The following SLC44A3 variants were observed in gnomAD, a reference collection of about 807,000 sequenced individuals.
The protein encoded by SLC44A3 is choline transporter-like protein 3.
In SLC44A3, 74 loss-of-function variants were observed where a neutral mutation model predicts 75.4. That is an observed-to-expected ratio of 0.98 (90% CI 0.81 to 1.19). The LOEUF (loss-of-function observed/expected upper bound fraction) is 1.19. Ranked by LOEUF, SLC44A3 falls within the 50% of genes most tolerant of loss-of-function variation. The probability of loss-of-function intolerance (pLI) is 0.00; values close to 1 mark genes in which losing one functional copy is unlikely to be tolerated. For synonymous variants in SLC44A3, 310 were observed against 296.9 expected (o/e 1.04, Z -0.45); for missense variants, 700 against 778.6 (o/e 0.90, Z 1.20).
chr1:94,845,307 C>A lies in SLC44A3; in HGVS notation c.915C>A (p.Leu305=). Residue 305 remains leucine, a synonymous_variant, in exon 9 of 15, where the codon CTC becomes CTA. Transcript: ENST00000271227. ...TGCTGCTCGTCTTGATTTTTGTTCT[C>A]AGAAAGAGAATAAAATTGACAGTTG... is the stretch of plus-strand genomic sequence containing the variant. ...TAVLLVLIFV[L]RKRIKLTVEL... The A allele has an allele frequency of 6.2e-7, 1 of 1,612,030 alleles. No homozygotes were observed. Among genetic ancestry groups the A allele is most frequent in the Non-Finnish European group, 8.5e-7 (1 of 1,179,310 alleles).
At chr1:94,846,740 C>G (rs923941005) in intron 9 of SLC44A3, among the ~76,000 whole-genome samples, 1 of 152,258 alleles carries the variant, frequency 6.6e-6, no homozygotes, top group East Asian at 1.9e-4. Flanking sequence ...GAGTAAGTGG[C>G]TTCCTGATAC....
At chr1:94,823,937 C>A (rs1315488374) in intron 2 of SLC44A3, among the ~76,000 whole-genome samples, 1 of 152,166 alleles carries the variant, frequency 6.6e-6, no homozygotes, top group Non-Finnish European at 1.5e-5. Flanking sequence ...ATGTTCTTGT[C>A]CAACAGAATT....
At chr1:94,876,168 G>T (rs563916149) in intron 12 of SLC44A3, among the ~76,000 whole-genome samples, 2 of 152,334 alleles carry the variant, frequency 1.3e-5, no homozygotes, top group African/African-American at 4.8e-5. Flanking sequence ...GAGTGGGGAG[G>T]TGCCTCAGAG....
rs1289818389 is a variant in SLC44A3 at position 94,824,493 on chromosome 1, G to A, written c.136G>A (p.Val46Met). The change falls in exon 3 of 15, where the codon GTG becomes ATG. Residue 46 changes from valine (V) to methionine (M), a missense_variant and splice_region_variant. Coordinates refer to ENST00000271227, the MANE Select transcript of SLC44A3 (RefSeq NM_001114106.3). ...TCTCATATGCCCCCGTTTTTGCCAG[G>A]TGTTTATCATGGGCTACTCGGTGGT... ...FLFFLFWTGL[V>M]FIMGYSVVAG... The A allele has an allele frequency of 1.3e-6, 2 of 1,594,422 alleles. No individual in the cohort carries two copies. The highest frequency in any genetic ancestry group is 1.7e-6 in the Non-Finnish European group (2 of 1,173,492).
chr1:94,821,270 A>T (rs1660544410), intron 2 of SLC44A3, among the ~76,000 whole-genome samples: 1 of 152,192 alleles, frequency 6.6e-6, no homozygotes, highest in South Asian at 2.1e-4. Flanking sequence ...GGGTGACTCC[A>T]TTAGGAAATG....
intron 9 of SLC44A3, among the ~76,000 whole-genome samples, chr1:94,852,826 G>T (rs928499884): frequency 6.6e-6 from 1 of 152,346 alleles, no homozygotes. Context: ...TGAGCAACTG[G>T]AAGATAACTT....
intron 5 of SLC44A3, among the ~76,000 whole-genome samples, chr1:94,835,459 G>A (rs1428685457): frequency 2.6e-5 from 4 of 152,236 alleles, no homozygotes; most frequent in Non-Finnish European, 5.9e-5. Flanking sequence ...CAAATATACT[G>A]TGGTTATGTA....
chr1:94,827,368 C>T (rs1661510349), intron 3 of SLC44A3, 139 bp from the exon 4 acceptor site: 2 of 1,097,458 alleles, frequency 1.8e-6, no homozygotes. Flanking sequence ...CATAAATGTT[C>T]AATTATGCTG....
At chr1:94,866,524 A>ACAGCC (rs1293107085) in intron 11 of SLC44A3, among the ~76,000 whole-genome samples, 1 of 152,228 alleles carries the variant, frequency 6.6e-6, no homozygotes, top group African/African-American at 2.4e-5. Flanking sequence ...AATGTCTCAC[A>ACAGCC]CAGCCACTGT....
intron 4 of SLC44A3, among the ~76,000 whole-genome samples, chr1:94,827,971 T>C (rs567640342): frequency 6.6e-6 from 1 of 152,142 alleles, no homozygotes; most frequent in South Asian, 2.1e-4. Flanking sequence ...GAGAGCTCCA[T>C]GCACGTGGGC....
intron 10 of SLC44A3, among the ~76,000 whole-genome samples, chr1:94,860,135 C>T (rs945815132): frequency 6.6e-6 from 1 of 152,114 alleles, no homozygotes; most frequent in Non-Finnish European, 1.5e-5. Flanking sequence ...AAAACGGAGA[C>T]AATGCAGGCT....
chr1:94,872,499 G>C (rs368912005), intron 12 of SLC44A3, among the ~76,000 whole-genome samples: 5 of 152,138 alleles, frequency 3.3e-5, no homozygotes, highest in African/African-American at 1.2e-4. Flanking sequence ...TATAGGCAAT[G>C]AGCTGTGGGC....
At chr1:94,881,393 A>AT (rs1668953330) in intron 12 of SLC44A3, among the ~76,000 whole-genome samples, 1 of 152,222 alleles carries the variant, frequency 6.6e-6, no homozygotes, top group Non-Finnish European at 1.5e-5. Flanking sequence ...TTCAAATCAG[A>AT]GAAGGTTGAC....
chr1:94,865,850 A>T (rs976118056), intron 11 of SLC44A3, among the ~76,000 whole-genome samples: 1 of 152,212 alleles, frequency 6.6e-6, no homozygotes, highest in Admixed American at 6.5e-5. Flanking sequence ...TTTACTTTTT[A>T]AAAAGATATC....
chr1:94,852,412 GA>G (rs1665328948), intron 9 of SLC44A3, among the ~76,000 whole-genome samples: 1 of 152,154 alleles, frequency 6.6e-6, no homozygotes, highest in Non-Finnish European at 1.5e-5. Context: ...AAAGCAAGGG[GA>G]AACATCCCAG....
intron 12 of SLC44A3, among the ~76,000 whole-genome samples, chr1:94,886,627 G>T (rs1340876872): frequency 6.6e-6 from 1 of 152,064 alleles, no homozygotes; most frequent in Non-Finnish European, 1.5e-5. Context: ...TCCAGCTTGT[G>T]GTTCTGCTCT....
intron 12 of SLC44A3, among the ~76,000 whole-genome samples, chr1:94,881,930 G>T (rs1452307516): frequency 6.6e-6 from 1 of 151,806 alleles, no homozygotes; most frequent in Admixed American, 6.6e-5. Context: ...TGAGGCAGAA[G>T]AATCGCTTGA....
chr1:94,887,676 AG>A (rs1669735240), intron 12 of SLC44A3, among the ~76,000 whole-genome samples: 1 of 152,196 alleles, frequency 6.6e-6, no homozygotes, highest in African/African-American at 2.4e-5. Context: ...CCACAAAAAC[AG>A]TGCTTCCCCA....
chr1:94,852,224 G>A (rs1056225220), intron 9 of SLC44A3, among the ~76,000 whole-genome samples: 1 of 152,184 alleles, frequency 6.6e-6, no homozygotes, highest in Non-Finnish European at 1.5e-5. Context: ...GTCAGTCAAT[G>A]TTATAGTACT....
Sources: gnomAD v4.1 joint callset for allele counts (sites outside exome capture counted in the v4.1 genomes callset) on GRCh38, gnomAD v4.1.1 for gene constraint, MANE v1.5 for transcripts, NCBI Gene and HGNC (gene_info 2026-07-23, HGNC 2026-07-21) for gene names.